The following PTPN4 variants were observed in gnomAD, a reference collection of about 807,000 sequenced individuals.
PTPN4 encodes the protein protein tyrosine phosphatase non-receptor type 4.
In PTPN4, 49 loss-of-function variants were observed where a neutral mutation model predicts 135.5. The ratio of observed to expected loss-of-function variants is 0.36; its 90% CI spans 0.29 to 0.46. The LOEUF (loss-of-function observed/expected upper bound fraction) is 0.46. PTPN4 is among the 20% of genes least tolerant of loss of function. PTPN4 has a pLI of 1.00. For missense variants in PTPN4, 860 were observed against 1,101.0 expected (o/e 0.78, Z 3.10); for synonymous variants, 333 against 369.9 (o/e 0.90, Z 1.14).
intron 9 of PTPN4, among the ~76,000 whole-genome samples, chr2:119,899,754 A>G (rs1298906437): frequency 2.0e-5 from 3 of 152,156 alleles, no homozygotes. Context: ...AGTGTACTAA[A>G]ATAATGTTGA....
chr2:119,792,219 T>A (rs1281769446), intron 1 of PTPN4, among the ~76,000 whole-genome samples: 1 of 152,230 alleles, frequency 6.6e-6, no homozygotes, highest in East Asian at 1.9e-4. Flanking sequence ...CTTTTATATT[T>A]GAGCTAGAAT....
intron 1 of PTPN4, among the ~76,000 whole-genome samples, chr2:119,773,990 A>G (rs1435506960): frequency 6.6e-6 from 1 of 152,226 alleles, no homozygotes; most frequent in African/African-American, 2.4e-5. Flanking sequence ...TTACTGTAAT[A>G]ATGTAATAAC....
chr2:119,961,767 T>C (rs1375529238), intron 23 of PTPN4, among the ~76,000 whole-genome samples: 8 of 152,146 alleles, frequency 5.3e-5, no homozygotes, highest in Admixed American at 4.6e-4. Context: ...ACACTTAGCA[T>C]AGTGAAAGAG....
At chr2:119,837,342 T>C (rs996253333) in intron 2 of PTPN4, among the ~76,000 whole-genome samples, 14 of 152,116 alleles carry the variant, frequency 9.2e-5, no homozygotes, top group Non-Finnish European at 2.1e-4. Context: ...CACTGAGGGC[T>C]GGACACTTGT....
At chr2:119,802,293 G>T (rs1691392526) in intron 1 of PTPN4, among the ~76,000 whole-genome samples, 1 of 152,080 alleles carries the variant, frequency 6.6e-6, no homozygotes, top group Non-Finnish European at 1.5e-5. Flanking sequence ...CCTTATTCCT[G>T]GTTATAGGGG....
At chr2:119,833,521 A>G (rs1182708132) in intron 2 of PTPN4, among the ~76,000 whole-genome samples, 1 of 152,210 alleles carries the variant, frequency 6.6e-6, no homozygotes, top group Non-Finnish European at 1.5e-5. Flanking sequence ...TTAAAGGGAT[A>G]TAATTGAGTC....
At chr2:119,947,424 G>A (rs1489299256) in intron 18 of PTPN4, among the ~76,000 whole-genome samples, 2 of 152,034 alleles carry the variant, frequency 1.3e-5, no homozygotes, top group African/African-American at 2.4e-5. Context: ...TAAGGACCTT[G>A]TTTTTTGCGA....
intron 2 of PTPN4, among the ~76,000 whole-genome samples, chr2:119,854,928 A>G (rs1243011261): frequency 1.3e-5 from 2 of 151,808 alleles, no homozygotes; most frequent in Non-Finnish European, 2.9e-5. Flanking sequence ...GTGCACAGGT[A>G]CCTCCTACTT....
chr2:119,892,168 G>A (rs1443090717), intron 9 of PTPN4, among the ~76,000 whole-genome samples: 1 of 152,208 alleles, frequency 6.6e-6, no homozygotes, highest in Non-Finnish European at 1.5e-5. Context: ...TTGAAGTTCA[G>A]TAACTAGCAA....
intron 3 of PTPN4, among the ~76,000 whole-genome samples, chr2:119,864,482 G>C (rs146106147): frequency 0.015 from 2,236 of 152,096 alleles, 31 homozygotes; most frequent in Non-Finnish European, 0.024. Flanking sequence ...ATAATTCTTA[G>C]CTCTTGCTGA....
At chr2:119,972,507 G>A (rs1349274423) in intron 26 of PTPN4, among the ~76,000 whole-genome samples, 1 of 152,082 alleles carries the variant, frequency 6.6e-6, no homozygotes, top group Non-Finnish European at 1.5e-5. Context: ...TTTGCAAATA[G>A]ATATGTTACT....
chr2:119,876,290 C>T (rs973858458), intron 3 of PTPN4, among the ~76,000 whole-genome samples: 3 of 152,070 alleles, frequency 2.0e-5, no homozygotes, highest in Non-Finnish European at 4.4e-5. Flanking sequence ...TGAAGAGGGA[C>T]ATGGTGATGA....
At chr2:119,807,255 C>CA (rs1558731963) in intron 1 of PTPN4, among the ~76,000 whole-genome samples, 1 of 151,908 alleles carries the variant, frequency 6.6e-6, no homozygotes, top group Non-Finnish European at 1.5e-5. Flanking sequence ...GATAGAGACG[C>CA]AAAAAACCCT....
intron 2 of PTPN4, among the ~76,000 whole-genome samples, chr2:119,848,511 T>G (rs997969230): frequency 1.3e-5 from 2 of 151,404 alleles, no homozygotes; most frequent in African/African-American, 4.9e-5. Context: ...TCCGTTTCCT[T>G]CTCTCCTCTC....
At chr2:119,944,222 A>C (rs1041584386) in intron 15 of PTPN4, among the ~76,000 whole-genome samples, 1 of 152,174 alleles carries the variant, frequency 6.6e-6, no homozygotes, top group African/African-American at 2.4e-5. Context: ...TTTATCAGAT[A>C]ATAACGCCAA....
chr2:119,896,280 A>T (rs1294540031), intron 9 of PTPN4, among the ~76,000 whole-genome samples: 1 of 152,086 alleles, frequency 6.6e-6, no homozygotes, highest in African/African-American at 2.4e-5. Flanking sequence ...GCTGTTGTTT[A>T]GTTATTTTAT....
chr2:119,781,826 G>A (rs1690945460), intron 1 of PTPN4, among the ~76,000 whole-genome samples: 2 of 152,118 alleles, frequency 1.3e-5, no homozygotes, highest in South Asian at 4.1e-4. Context: ...TTATACCAGA[G>A]ATCTTAATGG....
chr2:119,936,034 G>A (rs564422053), intron 15 of PTPN4, among the ~76,000 whole-genome samples: 26 of 151,182 alleles, frequency 1.7e-4, no homozygotes, highest in Admixed American at 8.6e-4. Flanking sequence ...ATGGAGTCTC[G>A]CTCTTTCACC....
chr2:119,961,520 A>G (rs890280910), intron 23 of PTPN4, among the ~76,000 whole-genome samples: 1 of 152,360 alleles, frequency 6.6e-6, no homozygotes, highest in Non-Finnish European at 1.5e-5. Flanking sequence ...TCAAAGAGTT[A>G]AACGTCGAGT....
Sources: allele counts gnomAD v4.1 joint callset (sites outside exome capture counted in the v4.1 genomes callset), GRCh38; gene constraint gnomAD v4.1.1; transcripts MANE v1.5; gene names NCBI Gene and HGNC (gene_info 2026-07-23, HGNC 2026-07-21).